The following CAMTA1 variants were observed in gnomAD, a reference collection of about 807,000 sequenced individuals.
The protein encoded by CAMTA1 is calmodulin-binding transcription activator 1.
CAMTA1 carries 27 observed loss-of-function variants against 170.9 expected under a neutral mutation model. The observed-to-expected ratio is 0.16, with a 90% confidence interval of 0.12 to 0.22. The LOEUF (loss-of-function observed/expected upper bound fraction) is 0.22. Ranked by LOEUF, CAMTA1 falls within the 10% of genes least tolerant of loss-of-function variation. The probability of loss-of-function intolerance (pLI) is 1.00; values close to 1 mark genes in which losing one functional copy is unlikely to be tolerated. For missense variants in CAMTA1, 1,619 were observed against 2,217.2 expected (o/e 0.73, Z 5.42); for synonymous variants, 833 against 891.5 (o/e 0.93, Z 1.17).
intron 7 of CAMTA1, among the ~76,000 whole-genome samples, chr1:7,645,370 C>T (rs2095795779): frequency 6.6e-6 from 1 of 152,272 alleles, no homozygotes; most frequent in Non-Finnish European, 1.5e-5. Flanking sequence ...GCACCCGTGG[C>T]TTTCTTCCCT....
intron 3 of CAMTA1, among the ~76,000 whole-genome samples, chr1:7,032,658 T>G (rs1032322303): frequency 6.6e-6 from 1 of 152,218 alleles, no homozygotes; most frequent in Non-Finnish European, 1.5e-5. Context: ...TTCATTTCTT[T>G]GTGTAGATCC....
rs2096098077 is a variant in CAMTA1, at chr1:7,674,826, T to A, written c.2780-2773T>A. 6.6e-6 allele frequency among the ~76,000 whole-genome samples: 1 copy of A among 151,922 alleles called. No individual in the cohort carries two copies. The highest frequency in any genetic ancestry group is 2.4e-5 in the African/African-American group (1 of 41,328). Reference sequence around the variant, plus strand: ...AAAAACAACAAATGAGGTGTAGAATTGGGTTTCAAAACAATTCATTCAACA... The same window carrying A: ...AAAAACAACAAATGAGGTGTAGAATAGGGTTTCAAAACAATTCATTCAACA... On this transcript the variant is annotated intron_variant, in intron 10 of 22. Transcript: ENST00000303635. The surrounding 1 kb of genome is among the most constrained non-coding windows in gnomAD (Gnocchi z 4.1).
chr1:6,797,080 T>C (rs1642702309), intron 1 of CAMTA1, among the ~76,000 whole-genome samples: 1 of 152,126 alleles, frequency 6.6e-6, no homozygotes, highest in Non-Finnish European at 1.5e-5. Context: ...TTGAGATCAC[T>C]TTTTTTTCTG....
chr1:7,508,181 C>T (rs2094148473), intron 6 of CAMTA1, among the ~76,000 whole-genome samples: 1 of 152,196 alleles, frequency 6.6e-6, no homozygotes, highest in African/African-American at 2.4e-5. Flanking sequence ...TTGCCTGGGG[C>T]CCTGACTCTG....
chr1:7,571,687 C>T (rs886333381), intron 6 of CAMTA1, among the ~76,000 whole-genome samples: 1 of 152,102 alleles, frequency 6.6e-6, no homozygotes, highest in Non-Finnish European at 1.5e-5. Flanking sequence ...TTTATGGCTG[C>T]ATAGTATTCC....
chr1:7,402,182 G>A (rs978855462), intron 5 of CAMTA1, among the ~76,000 whole-genome samples: 20 of 152,176 alleles, frequency 1.3e-4, no homozygotes, highest in Admixed American at 1.2e-3. Flanking sequence ...ATTACATGTT[G>A]GGAAAAAGAG....
rs542901571 is a variant in CAMTA1, at chr1:6,829,606, T to C, written c.234+4396T>C. 8.5e-5 allele frequency among the ~76,000 whole-genome samples: 13 copies of C among 152,340 alleles called. No individual in the cohort carries two copies. In the South Asian group the frequency reaches 1.2e-3, roughly 15 times the overall value. ...TGAGTCCTTTACATGAATCATCACA[T>C]TTAATCTTTCAGTTAATCCTATGAG... is the stretch of plus-strand genomic sequence containing the variant. On this transcript the variant is annotated intron_variant, in intron 3 of 22. Transcript: ENST00000303635.
At chr1:7,493,119 C>CGT (rs2093753664) in intron 6 of CAMTA1, among the ~76,000 whole-genome samples, 3 of 138,738 alleles carry the variant, frequency 2.2e-5, no homozygotes, top group East Asian at 4.4e-4. Flanking sequence ...TACACACACG[C>CGT]GCACACACAG....
intron 6 of CAMTA1, among the ~76,000 whole-genome samples, chr1:7,566,822 C>A (rs1279658075): frequency 1.3e-5 from 2 of 152,202 alleles, no homozygotes; most frequent in Non-Finnish European, 2.9e-5. Context: ...TGAGACCAGC[C>A]CAAGCCCCAG....
At chr1:7,130,728 C>G (rs929335356) in intron 4 of CAMTA1, among the ~76,000 whole-genome samples, 3 of 152,142 alleles carry the variant, frequency 2.0e-5, no homozygotes, top group Non-Finnish European at 4.4e-5. Context: ...ACACACTCTT[C>G]CCATATATCT....
intron 14 of CAMTA1, 27 bp downstream of exon 14, chr1:7,737,036 C>T (rs60266879): frequency 1.0e-5 from 16 of 1,550,042 alleles, no homozygotes; most frequent in Non-Finnish European, 1.4e-5. Context: ...TGTAGCCCCC[C>T]CTTGCTGTTC....
chr1:6,868,404 G>A (rs1377809792), intron 3 of CAMTA1, among the ~76,000 whole-genome samples: 1 of 151,648 alleles, frequency 6.6e-6, no homozygotes, highest in African/African-American at 2.4e-5. Flanking sequence ...ATTTTAATGG[G>A]TTTCTTCAGC....
At chr1:6,944,039 C>G (rs1687173742) in intron 3 of CAMTA1, among the ~76,000 whole-genome samples, 1 of 152,032 alleles carries the variant, frequency 6.6e-6, no homozygotes, top group Admixed American at 6.5e-5. Context: ...CCCTATCCCC[C>G]CAGCCGCTGG....
chr1:6,909,044 T>G (rs531029822), intron 3 of CAMTA1, among the ~76,000 whole-genome samples: 1 of 152,348 alleles, frequency 6.6e-6, no homozygotes, highest in South Asian at 2.1e-4. Context: ...TATATCATAA[T>G]CCTTTTAAAA....
In CAMTA1 at chr1:7,010,311, T is replaced by A. The variant is rs1356401039; in HGVS notation, c.235-80993T>A. Among the ~76,000 whole-genome samples, 1 of 152,126 alleles carries A rather than the reference T, an allele frequency of 6.6e-6. No individual in the cohort carries two copies. The highest frequency in any genetic ancestry group is 1.5e-5 in the Non-Finnish European group (1 of 68,014). On this transcript the variant is annotated intron_variant, in intron 3 of 22. Coordinates refer to ENST00000303635, the MANE Select transcript of CAMTA1 (RefSeq NM_015215.4). The surrounding 1 kb of genome is among the most constrained non-coding windows in gnomAD (Gnocchi z 4.4). ...GGCCGCCCCCTCACTCGGCGTCCAG[T>A]GCTCAGGCCTCTGGGCTCTCTCTGG...
rs762367535 is a variant in CAMTA1, at chr1:7,635,079, C to G, written c.511-5321C>G. Among the ~76,000 whole-genome samples the G allele has an allele frequency of 1.3e-5, 2 of 152,208 alleles. No individual in the cohort carries two copies. Among genetic ancestry groups the G allele is most frequent in the Non-Finnish European group, 1.5e-5 (1 of 68,036 alleles). On this transcript the variant is annotated intron_variant, in intron 6 of 22. Coordinates refer to ENST00000303635, the MANE Select transcript of CAMTA1 (RefSeq NM_015215.4). This position sits in a 1 kb window ranked among gnomAD's most constrained non-coding sequence, Gnocchi z 4.4. ...ATGCCACGGGGCTCTCTCTCCCCAG[C>G]CTTTGGCACTGACCAGGCCTCCAGG...
At chr1:6,892,918 G>T (rs555638217) in intron 3 of CAMTA1, among the ~76,000 whole-genome samples, 1 of 151,766 alleles carries the variant, frequency 6.6e-6, no homozygotes, top group East Asian at 1.9e-4. Flanking sequence ...GAGTAGATAG[G>T]TTTTCATGTT....
At chr1:7,507,057 T>G (rs1361138677) in intron 6 of CAMTA1, among the ~76,000 whole-genome samples, 1 of 149,674 alleles carries the variant, frequency 6.7e-6, no homozygotes, top group Non-Finnish European at 1.5e-5. Flanking sequence ...CACTCAAAAT[T>G]CACACTTGCT....
At chr1:7,105,044 G>A (rs1187747432) in intron 4 of CAMTA1, among the ~76,000 whole-genome samples, 2 of 152,088 alleles carry the variant, frequency 1.3e-5, no homozygotes, top group African/African-American at 2.4e-5. Context: ...CTCTAGTTAC[G>A]CCATTTCTCT....
Sources: gnomAD v4.1 joint callset for allele counts (sites outside exome capture counted in the v4.1 genomes callset) on GRCh38, gnomAD v4.1.1 for gene constraint, Gnocchi (gnomAD v3.1) non-coding constraint, MANE v1.5 for transcripts, NCBI Gene and HGNC (gene_info 2026-07-23, HGNC 2026-07-21) for gene names.